The following ANKEF1 variants were observed in gnomAD, a reference collection of about 807,000 sequenced individuals.
ANKEF1 encodes the protein ankyrin repeat and EF-hand domain-containing protein 1.
ANKEF1 carries 43 observed loss-of-function variants against 65.1 expected under a neutral mutation model. The ratio of observed to expected loss-of-function variants is 0.66; its 90% CI spans 0.52 to 0.85. The LOEUF is 0.85. ANKEF1 is among the 40% of genes least tolerant of loss of function. The pLI, the probability that ANKEF1 is intolerant of heterozygous loss-of-function variation, is 0.00. For missense variants in ANKEF1, 934 were observed against 952.9 expected (o/e 0.98, Z 0.26); for synonymous variants, 316 against 341.5 (o/e 0.93, Z 0.82).
In ANKEF1 at chr20:10,057,838, G is replaced by A. The variant is rs1042343932; in HGVS notation, c.*2178G>A. 9.2e-5 allele frequency: 14 copies of A among 152,048 alleles called. No homozygotes were observed. The highest frequency in any genetic ancestry group is 2.2e-4 in the African/African-American group (9 of 41,402). The allele number at this position is 152,048 out of a possible 1,614,324, so 9.4% of individuals were successfully genotyped here. ...TACTCCCAGGTCATGAAATACATTC[G>A]CTTGCCCCATCTCTTTAGTCTCTTT... On this transcript the variant is annotated 3_prime_UTR_variant, in exon 11 of 11. Coordinates refer to ENST00000378392, the MANE Select transcript of ANKEF1 (RefSeq NM_022096.6).
In ANKEF1 at chr20:10,049,591, G is replaced by A. The variant is rs1600520568; in HGVS notation, c.1022G>A (p.Arg341Gln). ...TCCGTAGAACGTGAGGCTTTCCTCC[G>A]GGAAGCCTTTGCGGTTTTAGACAGG... ...DWSVEREAFL[R>Q]EAFAVLDRGD... The change falls in exon 7 of 11, where the codon CGG (arginine) becomes CAG (glutamine). Residue 341 changes from arginine (R) to glutamine (Q), a missense_variant. Arg to Gln is a conservative substitution (Grantham distance 43, BLOSUM62 1). Coordinates refer to ENST00000378392, the MANE Select transcript of ANKEF1 (RefSeq NM_022096.6). 3.7e-6 allele frequency: 6 copies of A among 1,613,956 alleles called. No individual in the cohort carries two copies. In the African/African-American group the frequency reaches 6.7e-5, roughly 18 times the overall value.
At chr20:10,041,998 A>G (rs1386571651) in intron 3 of ANKEF1, among the ~76,000 whole-genome samples, 4 of 152,148 alleles carry the variant, frequency 2.6e-5, no homozygotes, top group African/African-American at 9.7e-5. Flanking sequence ...GTAGCATTGA[A>G]TGTTGTTGTG....
At chr20:10,044,733 T>A (rs1461258280) in intron 5 of ANKEF1, among the ~76,000 whole-genome samples, 190 bp downstream of exon 5, 7 of 152,218 alleles carry the variant, frequency 4.6e-5, no homozygotes, top group Non-Finnish European at 1.0e-4. Context: ...TTATTTAGTT[T>A]TATGTGTTTG....
At chr20:10,055,457 T>C in intron 10 of ANKEF1, 45 bp from the exon 11 acceptor site, 1 of 1,573,872 alleles carries the variant, frequency 6.4e-7, no homozygotes, top group South Asian at 1.1e-5. Context: ...ATTTACTGGC[T>C]GTCATACTCA....
intron 6 of ANKEF1, among the ~76,000 whole-genome samples, chr20:10,048,267 C>A (rs370840668): frequency 8.7e-5 from 9 of 102,908 alleles, no homozygotes; most frequent in Non-Finnish European, 1.9e-4. Context: ...ATTTATTTTT[C>A]TTTTTTTACT....
intron 3 of ANKEF1, among the ~76,000 whole-genome samples, chr20:10,042,126 C>G (rs745465065): frequency 6.6e-5 from 10 of 152,236 alleles, no homozygotes; most frequent in Middle Eastern, 3.4e-3. Context: ...GTTGACTGTT[C>G]TTAATCAACT....
Position 10,055,768 on chromosome 20 carries a change from G to C in ANKEF1, c.*108G>C. On this transcript the variant is annotated 3_prime_UTR_variant, in exon 11 of 11. Transcript: ENST00000378392. ...AAAGCAATCCATACACCAAGAACTTGTTACCAAGAATTTCTTTTTGCTTTA... is the reference window on the plus strand; with the variant it reads ...AAAGCAATCCATACACCAAGAACTTCTTACCAAGAATTTCTTTTTGCTTTA... 3 of 1,125,094 alleles carry C rather than the reference G, an allele frequency of 2.7e-6. No individual in the cohort carries two copies. Among genetic ancestry groups the C allele is most frequent in the Non-Finnish European group, 3.8e-6 (3 of 779,968 alleles). 69.7% of individuals were successfully genotyped at this position (1,125,094 alleles called of 1,614,324 possible).
At chr20:10,039,623 T>A (rs991276197) in intron 3 of ANKEF1, among the ~76,000 whole-genome samples, 1 of 152,192 alleles carries the variant, frequency 6.6e-6, no homozygotes, top group African/African-American at 2.4e-5. Flanking sequence ...CCAGATGTAC[T>A]TTGAAATGCT....
chr20:10,045,638 C>T lies in ANKEF1; in HGVS notation c.761C>T (p.Pro254Leu), dbSNP rs1157123877. The stretch of plus-strand genomic sequence containing the variant: ...CTGATTTCGATAAATGGGAACACAC[C>T]ACTTCATTATGCTGCCATGGGTGGT... ...VGLISINGNT[P>L]LHYAAMGGFA... The change falls in exon 6 of 11, where the codon CCA becomes CTA. Residue 254 changes from proline to leucine, a missense_variant. By Grantham distance (98) the Pro-to-Leu change is moderately conservative. Transcript: ENST00000378392. 3.1e-6 allele frequency: 5 copies of T among 1,613,754 alleles called. No homozygotes were observed.
rs758330608 is a variant in ANKEF1, at chr20:10,043,150, T to C, written c.375T>C (p.Thr125=). 1.2e-6 allele frequency: 2 copies of C among 1,614,188 alleles called. No individual in the cohort carries two copies. Among genetic ancestry groups the C allele is most frequent in the Admixed American group, 3.3e-5 (2 of 60,020 alleles). ...TTTTGTTTTACTGCATTTTACCGAC[T>C]AAGCGGCATTATCGCTGTGCTCTGA... ...KGVLFYCILP[T]KRHYRCALIA... is the part of the protein sequence containing the mutation. Residue 125 remains threonine (T), a synonymous_variant, in exon 4 of 11, where the codon ACT becomes ACC. Transcript: ENST00000378392.
intron 2 of ANKEF1, among the ~76,000 whole-genome samples, chr20:10,037,871 T>G (rs1454357506): frequency 1.3e-5 from 2 of 152,226 alleles, no homozygotes; most frequent in African/African-American, 4.8e-5. Context: ...TTATAACACC[T>G]TAAAACTATT....
rs1985204004 is a variant in ANKEF1, at chr20:10,056,861, A to G, written c.*1201A>G. The G allele has an allele frequency of 6.6e-6, 1 of 152,178 alleles. No individual in the cohort carries two copies. Among genetic ancestry groups the G allele is most frequent in the Non-Finnish European group, 1.5e-5 (1 of 68,028 alleles). 9.4% of individuals were successfully genotyped at this position (152,178 alleles called of 1,614,324 possible). ...AGTCTCCTTTACATAAAGTCAATGA[A>G]TTGTAAATATTGGTTGCATGTACAC... On this transcript the variant is annotated 3_prime_UTR_variant, in exon 11 of 11. Transcript: ENST00000378392.
At chr20:10,051,470 T>C (rs1190934333) in intron 7 of ANKEF1, among the ~76,000 whole-genome samples, 193 bp from the exon 8 acceptor site, 2 of 152,208 alleles carry the variant, frequency 1.3e-5, no homozygotes, top group Admixed American at 6.5e-5. Flanking sequence ...CTAAAGTGCC[T>C]TTTAATGTAG....
chr20:10,038,507 A>G lies in ANKEF1; in HGVS notation c.206A>G (p.Asp69Gly). ...NDIDMVSFLL[D>G]LGAHPDVQDR... is the part of the protein sequence containing the mutation. ...ATTGATATGGTCAGCTTTCTCCTTG[A>G]CCTTGGTGCTCACCCTGATGTGCAA... is the stretch of plus-strand genomic sequence containing the variant. Residue 69 changes from aspartate (D) to glycine (G), a missense_variant, in exon 3 of 11, where the codon GAC becomes GGC. Asp to Gly is a moderately conservative substitution (Grantham distance 94). Coordinates refer to ENST00000378392, the MANE Select transcript of ANKEF1 (RefSeq NM_022096.6). 6.2e-7 allele frequency: 1 copy of G among 1,614,192 alleles called. No individual in the cohort carries two copies. The highest frequency in any genetic ancestry group is 8.5e-7 in the Non-Finnish European group (1 of 1,180,026).
chr20:10,036,252 A>G (rs2122213532), intron 2 of ANKEF1, among the ~76,000 whole-genome samples: 1 of 152,346 alleles, frequency 6.6e-6, no homozygotes, highest in East Asian at 1.9e-4. Context: ...GATGGGTGCT[A>G]ACAGAGGCAA....
At chr20:10,036,358 C>G (rs1006146675) in intron 2 of ANKEF1, among the ~76,000 whole-genome samples, 8 of 149,934 alleles carry the variant, frequency 5.3e-5, no homozygotes, top group Non-Finnish European at 1.2e-4. Flanking sequence ...TTGCCCTATT[C>G]CATAGATGAC....
At chr20:10,045,479 T>A in intron 5 of ANKEF1, 95 bp from the exon 6 acceptor site, 1 of 1,248,544 alleles carries the variant, frequency 8.0e-7, no homozygotes, top group South Asian at 1.3e-5. Flanking sequence ...CGTGGCTAAT[T>A]GATATTGTAC....
chr20:10,038,609 C>G lies in ANKEF1; in HGVS notation c.308C>G (p.Ala103Gly). 1 of 1,613,362 alleles carries G rather than the reference C, an allele frequency of 6.2e-7. No individual in the cohort carries two copies. The highest frequency in any genetic ancestry group is 1.3e-5 in the African/African-American group (1 of 75,058). The change falls in exon 3 of 11, where the codon GCA (alanine) becomes GGA (glycine). Residue 103 changes from alanine to glycine, a missense_variant. Transcript: ENST00000378392. ...HELSMEILAK[A>G]KADMTIVDNE... ...TTGTCAATGGAAATATTAGCAAAGG[C>G]AAAGGCTGATATGACTATAGTTGAT...
At position 10,051,899 on chromosome 20, in the gene ANKEF1, C is replaced by G. The variant is rs1466213714; in HGVS notation, c.1870+10C>G. ...CTGGAAAATAGAAAAGGTATGCGTT[C>G]ATATTATTGATGATTAGGGTTAGAA... is the stretch of plus-strand genomic sequence containing the variant. On this transcript the variant is annotated intron_variant, in intron 8 of 10. Coordinates refer to ENST00000378392, the MANE Select transcript of ANKEF1 (RefSeq NM_022096.6). 1 of 1,578,470 alleles carries G rather than the reference C, an allele frequency of 6.3e-7. No individual in the cohort carries two copies. The highest frequency in any genetic ancestry group is 2.3e-5 in the East Asian group (1 of 44,430).
Sources: allele counts gnomAD v4.1 joint callset (sites outside exome capture counted in the v4.1 genomes callset), GRCh38; gene constraint gnomAD v4.1.1; transcripts MANE v1.5; gene names NCBI Gene and HGNC (gene_info 2026-07-23, HGNC 2026-07-21).